The following GALNTL6 variants were observed in gnomAD, a reference collection of about 807,000 sequenced individuals.
GALNTL6 encodes polypeptide N-acetylgalactosaminyltransferase like 6.
GALNTL6 carries 46 observed loss-of-function variants against 73.7 expected under a neutral mutation model. The observed-to-expected ratio is 0.62, with a 90% CI of 0.49 to 0.80. The LOEUF (loss-of-function observed/expected upper bound fraction) is 0.80. Ranked by LOEUF, GALNTL6 falls within the 30% of genes least tolerant of loss-of-function variation. The pLI is 0.00. For synonymous variants in GALNTL6, 259 were observed against 263.7 expected (o/e 0.98, Z 0.17); for missense variants, 604 against 755.0 (o/e 0.80, Z 2.34).
chr4:172,261,873 G>A (rs1738270286), intron 3 of GALNTL6, among the ~76,000 whole-genome samples: 1 of 151,258 alleles, frequency 6.6e-6, no homozygotes, highest in South Asian at 2.1e-4. Flanking sequence ...TCATTCGAGA[G>A]CAGATTATTT....
At chr4:172,790,720 G>C (rs748275956) in intron 5 of GALNTL6, among the ~76,000 whole-genome samples, 1 of 151,904 alleles carries the variant, frequency 6.6e-6, no homozygotes, top group Non-Finnish European at 1.5e-5. Context: ...GTGAAACTGC[G>C]TCTCTACTAA....
chr4:171,892,240 T>TA (rs1689366282), intron 2 of GALNTL6, among the ~76,000 whole-genome samples: 1 of 152,194 alleles, frequency 6.6e-6, no homozygotes, highest in Non-Finnish European at 1.5e-5. Context: ...CTTCTGGTTT[T>TA]AAGCATTTCA....
intron 7 of GALNTL6, among the ~76,000 whole-genome samples, chr4:172,820,340 C>A (rs1185663588): frequency 6.6e-6 from 1 of 152,172 alleles, no homozygotes; most frequent in African/African-American, 2.4e-5. Context: ...ATTTTAGCAT[C>A]CCACTTGGGT....
chr4:172,472,468 TAA>T (rs1733087426), intron 5 of GALNTL6, among the ~76,000 whole-genome samples: 1 of 152,140 alleles, frequency 6.6e-6, no homozygotes, highest in South Asian at 2.1e-4. Context: ...TTTATGGGTT[TAA>T]GTGTGTCCTT....
rs75301436 is a variant in GALNTL6, at chr4:172,596,574, A to G, written c.554-212787A>G. 5.6e-3 allele frequency among the ~76,000 whole-genome samples: 850 copies of G among 152,258 alleles called. 8 individuals carry two copies. Among genetic ancestry groups the G allele is most frequent in the African/African-American group, 0.019 (795 of 41,558 alleles). ...ATTCAAATGTTTATTCAGAGCCTGC[A>G]TGAATAATCATTGAAGACTCTCAGG... On this transcript the variant is annotated intron_variant, in intron 5 of 12. Transcript: ENST00000506823.
At chr4:172,373,786 A>G (rs1046767149) in intron 5 of GALNTL6, among the ~76,000 whole-genome samples, 1 of 152,214 alleles carries the variant, frequency 6.6e-6, no homozygotes, top group African/African-American at 2.4e-5. Context: ...AAGTCTCCCA[A>G]TTACAACTGA....
chr4:172,323,329 G>T (rs1023961586), intron 4 of GALNTL6, among the ~76,000 whole-genome samples: 1 of 152,068 alleles, frequency 6.6e-6, no homozygotes, highest in Non-Finnish European at 1.5e-5. Context: ...CCTTATCAAA[G>T]GTAACTGACA....
At chr4:172,899,817 C>T (rs555367999) in intron 8 of GALNTL6, among the ~76,000 whole-genome samples, 7 of 152,274 alleles carry the variant, frequency 4.6e-5, no homozygotes, top group South Asian at 4.1e-4. Flanking sequence ...AGATTATTCG[C>T]GCCTCCCCTT....
chr4:173,034,851 T>C (rs547456997), intron 12 of GALNTL6, among the ~76,000 whole-genome samples: 16 of 152,274 alleles, frequency 1.1e-4, no homozygotes, highest in Admixed American at 8.5e-4. Flanking sequence ...CCCCTACCTC[T>C]GGAAAAGAAG....
At chr4:172,000,754 T>G (rs561748461) in intron 2 of GALNTL6, among the ~76,000 whole-genome samples, 1 of 152,302 alleles carries the variant, frequency 6.6e-6, no homozygotes, top group South Asian at 2.1e-4. Context: ...TTCTGCTTAG[T>G]GCAGTCAATG....
intron 2 of GALNTL6, among the ~76,000 whole-genome samples, chr4:171,888,692 G>A (rs1208970370): frequency 6.6e-6 from 1 of 152,044 alleles, no homozygotes; most frequent in East Asian, 1.9e-4. Flanking sequence ...GTGTCCTAAA[G>A]AAATCCAGCC....
At chr4:172,946,087 C>T (rs1749151935) in intron 9 of GALNTL6, among the ~76,000 whole-genome samples, 1 of 151,778 alleles carries the variant, frequency 6.6e-6, no homozygotes, top group South Asian at 2.1e-4. Context: ...CTGTTTGGGA[C>T]TGGCTTTACT....
intron 2 of GALNTL6, among the ~76,000 whole-genome samples, chr4:171,932,549 C>T (rs893159980): frequency 6.6e-6 from 1 of 152,206 alleles, no homozygotes; most frequent in Non-Finnish European, 1.5e-5. Context: ...CTTGTCTAGA[C>T]AGCAGAGGCT....
At chr4:172,412,026 T>G (rs1051159432) in intron 5 of GALNTL6, among the ~76,000 whole-genome samples, 4 of 151,700 alleles carry the variant, frequency 2.6e-5, no homozygotes, top group Non-Finnish European at 4.4e-5. Flanking sequence ...TATTTATTTA[T>G]TATATATTTA....
chr4:172,372,036 A>T (rs1158947714), intron 5 of GALNTL6, among the ~76,000 whole-genome samples: 1 of 152,190 alleles, frequency 6.6e-6, no homozygotes, highest in African/African-American at 2.4e-5. Context: ...AGGCTCAGGT[A>T]AGTGCCACTA....
chr4:172,599,498 C>T (rs1737978525), intron 5 of GALNTL6, among the ~76,000 whole-genome samples: 1 of 152,090 alleles, frequency 6.6e-6, no homozygotes. Flanking sequence ...AACAAACAGC[C>T]ACTGGTTCTA....
rs1350677985 is a variant in GALNTL6, at chr4:173,041,228, A to G, written c.*1128A>G. ...GTTTTTTTTTTGTAGTGTTGAATTAATGATGTTCTTTTATTTGGAAGCTCA... is the reference window on the plus strand; with the variant it reads ...GTTTTTTTTTTGTAGTGTTGAATTAGTGATGTTCTTTTATTTGGAAGCTCA... On this transcript the variant is annotated 3_prime_UTR_variant, in exon 13 of 13. Coordinates refer to ENST00000506823, the MANE Select transcript of GALNTL6 (RefSeq NM_001034845.3). 16 of 151,268 alleles carry G rather than the reference A, an allele frequency of 1.1e-4. No homozygotes were observed. The highest frequency in any genetic ancestry group is 1.9e-4 in the Non-Finnish European group (13 of 67,836). 9.4% of individuals were successfully genotyped at this position (151,268 alleles called of 1,614,324 possible).
chr4:172,466,860 G>T (rs187721801), intron 5 of GALNTL6, among the ~76,000 whole-genome samples: 3 of 152,044 alleles, frequency 2.0e-5, no homozygotes, highest in Non-Finnish European at 4.4e-5. Flanking sequence ...TCTCATCTCA[G>T]TATGCTTATA....
At chr4:172,095,824 T>A (rs1732336277) in intron 2 of GALNTL6, among the ~76,000 whole-genome samples, 1 of 151,984 alleles carries the variant, frequency 6.6e-6, no homozygotes, top group Non-Finnish European at 1.5e-5. Context: ...GTTGGAAGAA[T>A]TTTCCCCACC....
Sources: allele counts gnomAD v4.1 joint callset (sites outside exome capture counted in the v4.1 genomes callset), GRCh38; gene constraint gnomAD v4.1.1; transcripts MANE v1.5; gene names NCBI Gene and HGNC (gene_info 2026-07-23, HGNC 2026-07-21).